RTN1: variants seen among roughly 807,000 people sequenced by gnomAD.
The protein encoded by RTN1 is reticulon 1, also known as reticulon-1.
Under a neutral mutation model 65.5 loss-of-function variants are expected in RTN1, and 25 were observed. The observed-to-expected ratio is 0.38, with a 90% confidence interval of 0.28 to 0.53. The LOEUF is 0.53. Ranked by LOEUF, RTN1 falls within the 20% of genes least tolerant of loss-of-function variation. The pLI is 0.79. For synonymous variants in RTN1, 471 were observed against 447.6 expected (o/e 1.05, Z -0.66); for missense variants, 983 against 1,025.4 (o/e 0.96, Z 0.57).
intron 1 of RTN1, among the ~76,000 whole-genome samples, chr14:59,773,542 T>C (rs1210690875): frequency 6.6e-6 from 1 of 152,202 alleles, no homozygotes; most frequent in Admixed American, 6.5e-5. Flanking sequence ...CTAATTTCCA[T>C]TAAGCCTTTA....
rs1566719886 is a variant in RTN1, at chr14:59,766,303, C to T, written c.242-19822G>A. Among the ~76,000 whole-genome samples, 2 of 152,064 alleles carry T rather than the reference C, an allele frequency of 1.3e-5. No homozygotes were observed. Among genetic ancestry groups the T allele is most frequent in the African/African-American group, 4.8e-5 (2 of 41,402 alleles). On this transcript the variant is annotated intron_variant, in intron 1 of 8. Coordinates refer to ENST00000267484, the MANE Select transcript of RTN1 (RefSeq NM_021136.3). This position sits in a 1 kb window ranked among gnomAD's most constrained non-coding sequence, Gnocchi z 4.4. Reference sequence around the variant, plus strand: ...CACAAGGTAGTTTTCGAAATAAATGCTTACTGAAAAGAGCAGCTGGATAGA... The same window carrying T: ...CACAAGGTAGTTTTCGAAATAAATGTTTACTGAAAAGAGCAGCTGGATAGA...
At chr14:59,641,139 G>T (rs1033302456) in intron 3 of RTN1, among the ~76,000 whole-genome samples, 2 of 151,752 alleles carry the variant, frequency 1.3e-5, no homozygotes, top group South Asian at 2.1e-4. Context: ...TTTTGGGGGG[G>T]GTATTTTTTG....
At chr14:59,614,383 G>C (rs982976638) in intron 3 of RTN1, among the ~76,000 whole-genome samples, 2 of 152,040 alleles carry the variant, frequency 1.3e-5, no homozygotes, top group African/African-American at 4.8e-5. Context: ...AATTTCACAA[G>C]TGCTAAATCT....
In RTN1 at chr14:59,836,477, G is replaced by T. The variant is rs1887214814; in HGVS notation, c.241+33913C>A. On this transcript the variant is annotated intron_variant, in intron 1 of 8. Coordinates refer to ENST00000267484, the MANE Select transcript of RTN1 (RefSeq NM_021136.3). This position sits in a 1 kb window ranked among gnomAD's most constrained non-coding sequence, Gnocchi z 4.9. ...TTCTTACATCTTCTTTGTAAGTCATGCTTTTAAGAGGTTTTGGCTTTCTTG... is the reference window on the plus strand; with the variant it reads ...TTCTTACATCTTCTTTGTAAGTCATTCTTTTAAGAGGTTTTGGCTTTCTTG... Among the ~76,000 whole-genome samples, 1 of 152,182 alleles carries T rather than the reference G, an allele frequency of 6.6e-6. No individual in the cohort carries two copies. Among genetic ancestry groups the T allele is most frequent in the African/African-American group, 2.4e-5 (1 of 41,448 alleles).
chr14:59,696,746 T>G (rs765438971), intron 3 of RTN1, among the ~76,000 whole-genome samples: 19 of 152,162 alleles, frequency 1.2e-4, no homozygotes, highest in Non-Finnish European at 2.5e-4. Flanking sequence ...TGGACAGAAG[T>G]TATGCTTCCA....
chr14:59,817,062 A>G (rs1395567414), intron 1 of RTN1, among the ~76,000 whole-genome samples: 2 of 152,148 alleles, frequency 1.3e-5, no homozygotes, highest in Non-Finnish European at 2.9e-5. Flanking sequence ...GGGAATCTTA[A>G]AAAACACTTA....
intron 1 of RTN1, among the ~76,000 whole-genome samples, chr14:59,814,860 C>T (rs890106623): frequency 6.6e-6 from 1 of 152,156 alleles, no homozygotes; most frequent in Non-Finnish European, 1.5e-5. Flanking sequence ...GGAAAAGTTA[C>T]CCTGATTTAT....
chr14:59,653,590 C>A (rs1883062115), intron 3 of RTN1, among the ~76,000 whole-genome samples: 1 of 150,670 alleles, frequency 6.6e-6, no homozygotes, highest in South Asian at 2.1e-4. Flanking sequence ...TAAATATAAG[C>A]AATAAAAATA....
intron 3 of RTN1, among the ~76,000 whole-genome samples, chr14:59,619,492 T>A (rs1359029233): frequency 6.6e-6 from 1 of 152,226 alleles, no homozygotes; most frequent in Non-Finnish European, 1.5e-5. Flanking sequence ...ATATCATATA[T>A]CCAATGATAT....
intron 3 of RTN1, among the ~76,000 whole-genome samples, chr14:59,619,016 T>C (rs1882184545): frequency 6.6e-6 from 1 of 152,170 alleles, no homozygotes; most frequent in Non-Finnish European, 1.5e-5. Flanking sequence ...TGGCAAAAGT[T>C]GAGTTTAAGG....
At chr14:59,619,563 T>G (rs998042730) in intron 3 of RTN1, among the ~76,000 whole-genome samples, 1 of 152,152 alleles carries the variant, frequency 6.6e-6, no homozygotes, top group African/African-American at 2.4e-5. Flanking sequence ...TACAGGGGGC[T>G]GAACATTTAC....
intron 3 of RTN1, among the ~76,000 whole-genome samples, chr14:59,642,823 C>G (rs192279355): frequency 1.3e-5 from 2 of 152,152 alleles, no homozygotes; most frequent in Admixed American, 1.3e-4. Flanking sequence ...GATTGTTGGT[C>G]TCATGTTTTT....
chr14:59,600,197 A>G (rs1013338704), intron 8 of RTN1, among the ~76,000 whole-genome samples: 1 of 152,176 alleles, frequency 6.6e-6, no homozygotes, highest in African/African-American at 2.4e-5. Context: ...CCTGGTGTCT[A>G]CTGGCCCAAT....
chr14:59,826,801 G>T (rs1405132714), intron 1 of RTN1, among the ~76,000 whole-genome samples: 1 of 152,164 alleles, frequency 6.6e-6, no homozygotes, highest in African/African-American at 2.4e-5. Context: ...AAAAGACAGG[G>T]CCCTGCTTTC....
chr14:59,788,585 G>A (rs1018919966), intron 1 of RTN1, among the ~76,000 whole-genome samples: 8 of 152,042 alleles, frequency 5.3e-5, no homozygotes, highest in Non-Finnish European at 8.8e-5. Flanking sequence ...CTTTCTGTCA[G>A]TCAGTTAAAT....
In RTN1 at chr14:59,602,169, T is replaced by C. The variant is rs536456612; in HGVS notation, c.2288+896A>G. Among the ~76,000 whole-genome samples the C allele has an allele frequency of 2.0e-4, 31 of 152,326 alleles. No homozygotes were observed. The East Asian group carries it at 5.4e-3, about 26-fold the overall frequency. On this transcript the variant is annotated intron_variant, in intron 8 of 8. Transcript: ENST00000267484. The stretch of plus-strand genomic sequence containing the variant: ...GAACTTTAATGTGATTGGCCTTTCT[T>C]ATTTTGTTATTACACATCTTTAACT...
intron 1 of RTN1, among the ~76,000 whole-genome samples, chr14:59,750,475 A>ATATATCTATAATATATAT (rs1885474416): frequency 2.3e-5 from 1 of 42,666 alleles, no homozygotes; most frequent in Non-Finnish European, 4.4e-5. Flanking sequence ...ATAATATATA[A>ATATATCTATAATATATAT]TATATCTATA....
chr14:59,647,787 G>GT (rs1352870315), intron 3 of RTN1, among the ~76,000 whole-genome samples: 1 of 152,200 alleles, frequency 6.6e-6, no homozygotes, highest in Non-Finnish European at 1.5e-5. Flanking sequence ...AGCTAAGGCA[G>GT]TGTTAAGAGG....
intron 1 of RTN1, among the ~76,000 whole-genome samples, chr14:59,826,893 A>T (rs1887040385): frequency 5.9e-5 from 9 of 152,170 alleles, no homozygotes; most frequent in Admixed American, 5.9e-4. Context: ...CAGAAAAAAA[A>T]TGAAATAAAA....
Sources: gnomAD v4.1 joint callset for allele counts (sites outside exome capture counted in the v4.1 genomes callset) on GRCh38, gnomAD v4.1.1 for gene constraint, Gnocchi (gnomAD v3.1) non-coding constraint, MANE v1.5 for transcripts, NCBI Gene and HGNC (gene_info 2026-07-23, HGNC 2026-07-21) for gene names.